The following DOCK2 variants were observed in gnomAD, a reference collection of about 807,000 sequenced individuals.
DOCK2 encodes the protein dedicator of cytokinesis protein 2.
DOCK2 carries 87 observed loss-of-function variants against 248.9 expected under a neutral mutation model. That is an observed-to-expected ratio of 0.35 (90% CI 0.29 to 0.42). DOCK2 has a LOEUF of 0.42. DOCK2 is among the 10% of genes least tolerant of loss of function. DOCK2 has a pLI of 1.00. For missense variants in DOCK2, 1,747 were observed against 2,300.2 expected (o/e 0.76, Z 4.92); for synonymous variants, 805 against 821.6 (o/e 0.98, Z 0.35).
At chr5:170,019,536 A>T (rs894347042) in intron 33 of DOCK2, among the ~76,000 whole-genome samples, 2 of 152,108 alleles carry the variant, frequency 1.3e-5, no homozygotes, top group East Asian at 1.9e-4. Context: ...TTGTCCACAC[A>T]CCAAATCTGA....
At chr5:169,842,952 C>T (rs149187119) in intron 27 of DOCK2, among the ~76,000 whole-genome samples, 28 of 152,228 alleles carry the variant, frequency 1.8e-4, no homozygotes, top group African/African-American at 6.5e-4. Context: ...CAGGACACTC[C>T]CCTACTCTGG....
chr5:169,855,544 A>G (rs997263475), intron 27 of DOCK2, among the ~76,000 whole-genome samples: 1 of 152,178 alleles, frequency 6.6e-6, no homozygotes, highest in African/African-American at 2.4e-5. Context: ...GCAACTAGAG[A>G]TATAAAAACC....
intron 30 of DOCK2, chr5:170,000,108 C>A (rs898273963): frequency 7.9e-5 from 12 of 152,328 alleles, no homozygotes; most frequent in Middle Eastern, 3.4e-3. Context: ...ATTTCAAATT[C>A]AAATCAGCAG....
chr5:169,794,160 C>T (rs745381692), intron 25 of DOCK2, among the ~76,000 whole-genome samples: 7 of 152,134 alleles, frequency 4.6e-5, no homozygotes, highest in Admixed American at 1.3e-4. Context: ...GCAGTCCACC[C>T]GCCGGGTCTG....
In DOCK2 at chr5:169,764,651, TGTG is replaced by T. The variant is rs1232688740; in HGVS notation, c.2554+3029_2554+3031del. ...AAACAGCAATTGTTATTATTGGTGT[TGTG>T]GTTGTTTTTCCTGCTGATCCCAATT... On this transcript the variant is annotated intron_variant, in intron 25 of 51. Transcript: ENST00000520908. The surrounding 1 kb of genome is among the most constrained non-coding windows in gnomAD (Gnocchi z 4.3). Among the ~76,000 whole-genome samples the T allele has an allele frequency of 1.3e-5, 2 of 152,206 alleles. No individual in the cohort carries two copies. Among genetic ancestry groups the T allele is most frequent in the South Asian group, 4.1e-4 (2 of 4,834 alleles).
chr5:170,042,434 T>C (rs1581550576), intron 38 of DOCK2, among the ~76,000 whole-genome samples: 1 of 152,202 alleles, frequency 6.6e-6, no homozygotes, highest in South Asian at 2.1e-4. Context: ...GATTATGCCA[T>C]TCCCCCACTC....
At chr5:169,927,504 T>C (rs1347218276) in intron 27 of DOCK2, among the ~76,000 whole-genome samples, 2 of 152,178 alleles carry the variant, frequency 1.3e-5, no homozygotes, top group Non-Finnish European at 2.9e-5. Context: ...GGATGTTTCA[T>C]ATAATTAATT....
intron 29 of DOCK2, among the ~76,000 whole-genome samples, chr5:169,987,482 T>C (rs535921673): frequency 1.3e-5 from 2 of 152,294 alleles, no homozygotes; most frequent in Non-Finnish European, 1.5e-5. Flanking sequence ...GACTAAATAA[T>C]GGGCAGGTGA....
chr5:169,921,543 C>T (rs1185632194), intron 27 of DOCK2, among the ~76,000 whole-genome samples: 2 of 152,218 alleles, frequency 1.3e-5, no homozygotes. Context: ...TTGCCTCTTT[C>T]CTCCTCTTCG....
At chr5:170,078,663 C>T (rs1016279194) in intron 48 of DOCK2, among the ~76,000 whole-genome samples, 1 of 152,226 alleles carries the variant, frequency 6.6e-6, no homozygotes, top group Non-Finnish European at 1.5e-5. Context: ...ACTGGCCGTG[C>T]CTGGATTTGA....
chr5:170,067,387 C>A, intron 44 of DOCK2, 123 bp from the exon 45 acceptor site: 1 of 944,512 alleles, frequency 1.1e-6, no homozygotes, highest in Non-Finnish European at 1.6e-6. Flanking sequence ...GATCCTGTTA[C>A]AGCCCCTTAG....
intron 28 of DOCK2, among the ~76,000 whole-genome samples, chr5:169,985,348 CGTGTGTGTGTGTGT>C (rs5873200): frequency 5.6e-4 from 76 of 136,858 alleles, no homozygotes; most frequent in African/African-American, 1.8e-3. Context: ...CTAATCTGCT[CGTGTGTGTGTGTGT>C]GTGTGTGTGT....
rs1761615348 is a variant in DOCK2, at chr5:169,712,027, G to A, written c.1555+20G>A. 1 of 1,613,968 alleles carries A rather than the reference G, an allele frequency of 6.2e-7. No homozygotes were observed. Among genetic ancestry groups the A allele is most frequent in the Admixed American group, 1.7e-5 (1 of 60,002 alleles). ...TGGAATGTGAGTACCATACTGAATG[G>A]CATCTCTGCACCTCCCCCTAAGGGG... On this transcript the variant is annotated intron_variant, in intron 16 of 51. Coordinates refer to ENST00000520908, the MANE Select transcript of DOCK2 (RefSeq NM_004946.3).
chr5:169,908,713 C>CTTTTTTTTTT (rs34261104), intron 27 of DOCK2, among the ~76,000 whole-genome samples: 9 of 105,046 alleles, frequency 8.6e-5, no homozygotes, highest in South Asian at 3.2e-4. Context: ...TTTCTTTTTT[C>CTTTTTTTTTT]TTTTTTTTTT....
intron 27 of DOCK2, among the ~76,000 whole-genome samples, chr5:169,962,996 G>A (rs1777153615): frequency 6.6e-6 from 1 of 152,126 alleles, no homozygotes; most frequent in Non-Finnish European, 1.5e-5. Flanking sequence ...TAAGGCCAAG[G>A]GTGGAAGAAT....
chr5:169,956,498 C>G (rs1776871754), intron 27 of DOCK2, among the ~76,000 whole-genome samples: 1 of 152,138 alleles, frequency 6.6e-6, no homozygotes, highest in South Asian at 2.1e-4. Context: ...GAGGGACTTC[C>G]AAACAAATGC....
chr5:170,079,133 C>G lies in DOCK2; in HGVS notation c.5153C>G (p.Ser1718Trp). Residue 1718 changes from serine to tryptophan, a missense_variant, in exon 49 of 52, where the codon TCG becomes TGG. By Grantham distance (177) the Ser-to-Trp change is radical. Around this residue, in one of 4 missense-constraint regions of DOCK2, gnomAD observed 513 missense variants for 586.1 expected, o/e 0.88. Coordinates refer to ENST00000520908, the MANE Select transcript of DOCK2 (RefSeq NM_004946.3). ...GCGGATGAGAAAGCAGCTGCAGAGT[C>G]GGACCTGAAGCGGGTGAGTGGCTGA... ...VFADEKAAAE[S>W]DLKRLSRKHE... 1 of 1,613,530 alleles carries G rather than the reference C, an allele frequency of 6.2e-7. No individual in the cohort carries two copies. Among genetic ancestry groups the G allele is most frequent in the Non-Finnish European group, 8.5e-7 (1 of 1,179,986 alleles).
At position 170,067,624 on chromosome 5, in the gene DOCK2, T is replaced by C; in HGVS notation, c.4582T>C (p.Ser1528Pro). Residue 1528 changes from serine to proline, a missense_variant, in exon 45 of 52, where the codon TCC (serine) becomes CCC (proline). Ser to Pro is a moderately conservative substitution (Grantham distance 74). Coordinates refer to ENST00000520908, the MANE Select transcript of DOCK2 (RefSeq NM_004946.3). ...TGAGACCCTCCCCATCAACCCACTC[T>C]CCATGCTCCTGAACGGGATTGTGGA... The part of the protein sequence containing the change: ...SDETLPINPL[S>P]MLLNGIVDPA... The C allele has an allele frequency of 6.2e-7, 1 of 1,614,158 alleles. No homozygotes were observed. Among genetic ancestry groups the C allele is most frequent in the Non-Finnish European group, 8.5e-7 (1 of 1,180,004 alleles).
chr5:169,978,421 A>G (rs1047201757), intron 27 of DOCK2, among the ~76,000 whole-genome samples: 8 of 129,078 alleles, frequency 6.2e-5, no homozygotes, highest in African/African-American at 2.4e-4. Context: ...GTGTGTTTGC[A>G]TTAGAGGTTG....
Sources: gnomAD v4.1 joint callset for allele counts (sites outside exome capture counted in the v4.1 genomes callset) on GRCh38, gnomAD v4.1.1 for gene constraint, gnomAD v4.1.1 regional missense constraint, Gnocchi (gnomAD v3.1) non-coding constraint, MANE v1.5 for transcripts, NCBI Gene and HGNC (gene_info 2026-07-23, HGNC 2026-07-21) for gene names.